Variants in AIG1 observed in about 807,000 individuals in gnomAD.
The protein encoded by AIG1 is androgen-induced gene 1 protein.
In AIG1, 23 loss-of-function variants were observed where a neutral mutation model predicts 31.4. The observed-to-expected ratio is 0.73, with a 90% confidence interval of 0.53 to 1.04. AIG1 has a LOEUF of 1.04. Among genes scored for constraint, AIG1 ranks in the 50% least tolerant of loss-of-function variants. The pLI is 0.00. For missense variants in AIG1, 274 were observed against 295.0 expected (o/e 0.93, Z 0.52); for synonymous variants, 100 against 110.5 (o/e 0.90, Z 0.60).
intron 5 of AIG1, 27 bp from the exon 6 acceptor site, chr6:143,339,612 A>G: frequency 9.9e-6 from 16 of 1,611,098 alleles, no homozygotes; most frequent in Middle Eastern, 1.7e-4. Flanking sequence ...CTGATGCTCA[A>G]ATAAAACACT....
intron 1 of AIG1, among the ~76,000 whole-genome samples, chr6:143,097,902 A>G (rs757216488): frequency 1.4e-4 from 22 of 152,196 alleles, no homozygotes; most frequent in Non-Finnish European, 2.1e-4. Flanking sequence ...GCTTCTAAGG[A>G]CAACTCTTCC....
At chr6:143,316,568 C>T (rs1209053463) in intron 4 of AIG1, among the ~76,000 whole-genome samples, 1 of 151,946 alleles carries the variant, frequency 6.6e-6, no homozygotes, top group Non-Finnish European at 1.5e-5. Context: ...CACAAAGAGA[C>T]AATCTAAGAC....
intron 3 of AIG1, among the ~76,000 whole-genome samples, chr6:143,196,896 C>T (rs575795504): frequency 6.6e-6 from 1 of 152,314 alleles, no homozygotes; most frequent in South Asian, 2.1e-4. Flanking sequence ...CAGCAGTCGT[C>T]ATGGTTACCT....
intron 3 of AIG1, among the ~76,000 whole-genome samples, chr6:143,198,999 C>T (rs554047957): frequency 1.3e-5 from 2 of 152,132 alleles, no homozygotes; most frequent in African/African-American, 4.8e-5. Flanking sequence ...ACTGCAGTAG[C>T]AGAAAAGGGA....
chr6:143,205,162 T>C (rs1184954509), intron 3 of AIG1, among the ~76,000 whole-genome samples: 1 of 152,212 alleles, frequency 6.6e-6, no homozygotes, highest in Admixed American at 6.5e-5. Context: ...CTGGAAAATA[T>C]GTCCATCTAT....
intron 1 of AIG1, among the ~76,000 whole-genome samples, chr6:143,069,638 C>T (rs1483454809): frequency 3.9e-5 from 6 of 151,962 alleles, no homozygotes; most frequent in Non-Finnish European, 8.8e-5. Flanking sequence ...TGAAGTTTGC[C>T]CATTTAAAAA....
At chr6:143,217,798 C>T (rs955748609) in intron 3 of AIG1, among the ~76,000 whole-genome samples, 1 of 152,214 alleles carries the variant, frequency 6.6e-6, no homozygotes. Flanking sequence ...CGTAAGCCAC[C>T]ACACCCGACC....
intron 4 of AIG1, among the ~76,000 whole-genome samples, chr6:143,320,726 G>C (rs944585122): frequency 6.6e-6 from 1 of 151,870 alleles, no homozygotes; most frequent in Non-Finnish European, 1.5e-5. Context: ...GTACATTTCA[G>C]TTATACAAGC....
In AIG1 at chr6:143,328,609, C is replaced by A. The variant is rs1341464674; in HGVS notation, c.516-4673C>A. ...TAGCTCTGCCTCATTTACTTTTTTT[C>A]ATCGATGCATTATAGATGTACACAG... On this transcript the variant is annotated intron_variant, in intron 4 of 5. Coordinates refer to ENST00000357847, the MANE Select transcript of AIG1 (RefSeq NM_016108.4). This position sits in a 1 kb window ranked among gnomAD's most constrained non-coding sequence, Gnocchi z 4.0. Among the ~76,000 whole-genome samples the A allele has an allele frequency of 2.0e-5, 3 of 152,108 alleles. No individual in the cohort carries two copies. The highest frequency in any genetic ancestry group is 1.3e-4 in the Admixed American group (2 of 15,268).
chr6:143,231,083 A>G (rs950305509), intron 3 of AIG1, among the ~76,000 whole-genome samples: 2 of 152,198 alleles, frequency 1.3e-5, no homozygotes, highest in Non-Finnish European at 2.9e-5. Flanking sequence ...AAACTTTCTT[A>G]AAGTTACTGG....
In AIG1 at chr6:143,084,319, G is replaced by A. The variant is rs9403437; in HGVS notation, c.141+23253G>A. Reference sequence around the variant, plus strand: ...CCCTTGACATAAGGGGCATGGACGAGGGGGTGGCTTATTTCTATTCGGACA... The same window carrying A: ...CCCTTGACATAAGGGGCATGGACGAAGGGGTGGCTTATTTCTATTCGGACA... On this transcript the variant is annotated intron_variant, in intron 1 of 5. Transcript: ENST00000357847. 2.8e-3 allele frequency among the ~76,000 whole-genome samples: 426 copies of A among 152,288 alleles called. 10 individuals are homozygous for A. In the East Asian group the frequency reaches 0.05, roughly 18 times the overall value.
rs189143441 is a variant in AIG1, at chr6:143,223,103, C to A, written c.399+57920C>A. On this transcript the variant is annotated intron_variant, in intron 3 of 5. Coordinates refer to ENST00000357847, the MANE Select transcript of AIG1 (RefSeq NM_016108.4). ...AGCCTTGGTGGATGTTTGTGCTCCA[C>A]AGTAATTCTGAAAAAGGCAGAAGCC... is the stretch of plus-strand genomic sequence containing the variant. Among the ~76,000 whole-genome samples, 763 of 152,318 alleles carry A rather than the reference C, an allele frequency of 5.0e-3. 3 individuals are homozygous for A. Among genetic ancestry groups the A allele is most frequent in the Non-Finnish European group, 8.0e-3 (545 of 68,028 alleles).
chr6:143,092,666 A>G (rs926421507), intron 1 of AIG1, among the ~76,000 whole-genome samples: 28 of 152,124 alleles, frequency 1.8e-4, no homozygotes, highest in Non-Finnish European at 3.8e-4. Context: ...CAGAACCCTT[A>G]GATTTTCGAA....
rs1777797782 is a variant in AIG1, at chr6:143,340,151, C to T, written c.*475C>T. ...GAGAGGGAAGGGGACAGATGTTTCT[C>T]ATTGCATAATGTCACAGTTGCCTCA... On this transcript the variant is annotated 3_prime_UTR_variant, in exon 6 of 6. Coordinates refer to ENST00000357847, the MANE Select transcript of AIG1 (RefSeq NM_016108.4). 1 of 152,398 alleles carries T rather than the reference C, an allele frequency of 6.6e-6. No individual in the cohort carries two copies. The highest frequency in any genetic ancestry group is 1.5e-5 in the Non-Finnish European group (1 of 68,242). The allele number at this position is 152,398 out of a possible 1,614,324, so 9.4% of individuals were successfully genotyped here.
chr6:143,193,762 C>G (rs1183237942), intron 3 of AIG1, among the ~76,000 whole-genome samples: 2 of 152,162 alleles, frequency 1.3e-5, no homozygotes, highest in Non-Finnish European at 2.9e-5. Flanking sequence ...TCACAGCTCA[C>G]TTGCGTCACA....
At chr6:143,169,763 T>C (rs1787315228) in intron 3 of AIG1, among the ~76,000 whole-genome samples, 1 of 152,206 alleles carries the variant, frequency 6.6e-6, no homozygotes, top group African/African-American at 2.4e-5. Context: ...GCCTTTATTG[T>C]ATTAAGGTAT....
chr6:143,207,405 T>C (rs530643632), intron 3 of AIG1, among the ~76,000 whole-genome samples: 142 of 152,260 alleles, frequency 9.3e-4, no homozygotes, highest in Non-Finnish European at 1.8e-3. Context: ...ATTGCTTCCA[T>C]AGCAGCAAGC....
At chr6:143,322,434 A>G (rs1043216466) in intron 4 of AIG1, among the ~76,000 whole-genome samples, 2 of 151,810 alleles carry the variant, frequency 1.3e-5, no homozygotes, top group African/African-American at 4.8e-5. Context: ...TGCTAACCAC[A>G]CTCCCTACCT....
intron 2 of AIG1, among the ~76,000 whole-genome samples, chr6:143,144,936 A>G (rs977493264): frequency 2.0e-5 from 3 of 152,188 alleles, no homozygotes; most frequent in South Asian, 2.1e-4. Flanking sequence ...CCAGCCAACT[A>G]TGGTTTAAGT....
Sources: gnomAD v4.1 joint callset for allele counts (sites outside exome capture counted in the v4.1 genomes callset) on GRCh38, gnomAD v4.1.1 for gene constraint, Gnocchi (gnomAD v3.1) non-coding constraint, MANE v1.5 for transcripts, NCBI Gene and HGNC (gene_info 2026-07-23, HGNC 2026-07-21) for gene names.